LONP1: variants seen among roughly 807,000 people sequenced by gnomAD.
LONP1 encodes the protein lon protease homolog, mitochondrial.
A neutral mutation model predicts 98.5 loss-of-function variants in LONP1; 31 were observed. The observed-to-expected ratio is 0.31, with a 90% CI of 0.24 to 0.42. The LOEUF (loss-of-function observed/expected upper bound fraction) is 0.42, where lower values mean the gene tolerates loss of function less well. Ranked by LOEUF, LONP1 falls within the 20% of genes least tolerant of loss-of-function variation. The probability of loss-of-function intolerance (pLI) is 1.00; values close to 1 mark genes in which losing one functional copy is unlikely to be tolerated. For missense variants in LONP1, 1,336 were observed against 1,350.6 expected (o/e 0.99, Z 0.17); for synonymous variants, 781 against 594.7 (o/e 1.31, Z -4.56).
intron 14 of LONP1, 53 bp downstream of exon 14, chr19:5,694,708 C>T (rs1372834708): frequency 1.2e-5 from 19 of 1,575,926 alleles, no homozygotes; most frequent in East Asian, 6.8e-5. Context: ...GGGTGATCAG[C>T]GTGGGATGGT....
chr19:5,694,611 TGGG>T (rs2054891350), intron 14 of LONP1, 59 bp from the exon 15 acceptor site: 12 of 1,489,878 alleles, frequency 8.1e-6, no homozygotes, highest in Non-Finnish European at 8.2e-6. Flanking sequence ...TGCGGGGTGG[TGGG>T]GTGACGGGCA....
chr19:5,702,435 T>C (rs1450994053), intron 8 of LONP1, among the ~76,000 whole-genome samples: 1 of 146,984 alleles, frequency 6.8e-6, no homozygotes, highest in Non-Finnish European at 1.5e-5. Context: ...TACTGGGAAG[T>C]GAGGAGCCCC....
intron 5 of LONP1, chr19:5,708,032 C>T (rs1236240307): frequency 3.2e-5 from 20 of 633,722 alleles, no homozygotes; most frequent in Middle Eastern, 4.3e-4. Context: ...GCAGCATCCT[C>T]ACGTGCAGCC....
At position 5,707,788 on chromosome 19, in the gene LONP1, A is replaced by C. The variant is rs1599469908; in HGVS notation, c.971T>G (p.Val324Gly). Reference protein sequence around the residue: ...VLQMMQAGQRVVDNPIYLSDM... With the variant: ...VLQMMQAGQRGVDNPIYLSDM... Reference sequence around the variant, plus strand: ...GCTCAGGTAGATGGGGTTGTCCACCACCCGCTGGCCAGCCTGCATCATCTG... The same window carrying C: ...GCTCAGGTAGATGGGGTTGTCCACCCCCCGCTGGCCAGCCTGCATCATCTG... The change falls in exon 6 of 18, where the codon GTG becomes GGG. Residue 324 changes from valine (V) to glycine (G), a missense_variant. Physicochemically the swap from Val to Gly is moderately radical, Grantham distance 109 (BLOSUM62 -3). Around this residue, in one of 5 missense-constraint regions of LONP1, gnomAD observed 97 missense variants for 139.0 expected, o/e 0.70. Coordinates refer to ENST00000360614, the MANE Select transcript of LONP1 (RefSeq NM_004793.4). The C allele has an allele frequency of 6.2e-7, 1 of 1,612,880 alleles. No homozygotes were observed.
intron 1 of LONP1, among the ~76,000 whole-genome samples, chr19:5,716,570 GTTCCC>G (rs1568329394): frequency 3.5e-5 from 5 of 141,828 alleles, no homozygotes; most frequent in African/African-American, 1.3e-4. Context: ...TTTTTTTTCT[GTTCCC>G]AGAAAAAAAA....
At position 5,712,034 on chromosome 19, in the gene LONP1, C is replaced by G. The variant is rs747552819; in HGVS notation, c.639-32G>C. On this transcript the variant is annotated intron_variant, in intron 3 of 17. Coordinates refer to ENST00000360614, the MANE Select transcript of LONP1 (RefSeq NM_004793.4). ...CGGGAGCAAGGCAGGTGTGAATCAG[C>G]CGCTGAGGCTGGGAGCTGGACCCGG... The G allele has an allele frequency of 2.8e-5, 44 of 1,576,774 alleles. No homozygotes were observed. The Admixed American group carries it at 4.8e-4, about 17-fold the overall frequency.
chr19:5,706,082 C>T (rs1446139220), intron 7 of LONP1, 90 bp from the exon 8 acceptor site: 1 of 818,580 alleles, frequency 1.2e-6, no homozygotes, highest in Non-Finnish European at 2.0e-6. Flanking sequence ...CTCTGCTCCC[C>T]CAGGACTCAG....
At chr19:5,693,234 CTGGGCCTGTCCCGTGGTGGTG>C in intron 17 of LONP1, 43 bp downstream of exon 17, 1 of 1,546,810 alleles carries the variant, frequency 6.5e-7, no homozygotes, top group South Asian at 1.2e-5. Flanking sequence ...ATGGCGGGGA[CTGGGCCTGTCCCGTGGTGGTG>C]TGGGCCCTGC....
intron 17 of LONP1, 124 bp downstream of exon 17, chr19:5,693,174 C>T: frequency 8.1e-7 from 1 of 1,236,820 alleles, no homozygotes; most frequent in Non-Finnish European, 1.1e-6. Flanking sequence ...CCAGAGAGAC[C>T]TGCTTCCAAA....
In LONP1 at chr19:5,691,847, T is replaced by TTTAATCA; in HGVS notation, c.*178_*184dup. 1.2e-6 allele frequency: 1 copy of TTTAATCA among 815,476 alleles called. No individual in the cohort carries two copies. Among genetic ancestry groups the TTTAATCA allele is most frequent in the Non-Finnish European group, 1.9e-6 (1 of 525,960 alleles). The allele number at this position is 815,476 out of a possible 1,614,324, so 50.5% of individuals were successfully genotyped here. ...AGGAAGCCGCCGTACTGCAAATGAC[T>TTTAATCA]TTAATCATTAAATAGCTTCTATGCC... On this transcript the variant is annotated 3_prime_UTR_variant, in exon 18 of 18. Transcript: ENST00000360614.
rs866112342 is a variant in LONP1 at position 5,699,080 on chromosome 19, G to A, written c.1632C>T (p.Tyr544=). The change falls in exon 10 of 18, where the codon TAC becomes TAT. Residue 544 remains tyrosine (Y), a synonymous_variant. Coordinates refer to ENST00000360614, the MANE Select transcript of LONP1 (RefSeq NM_004793.4). ...TCATGCCCCCGACGCTGAAGCGGAA[G>A]TACTCTCGGTTCAGGGCGCGGGCGA... is the stretch of plus-strand genomic sequence containing the variant. ...RSIARALNRE[Y]FRFSVGGMTD... 3.1e-6 allele frequency: 5 copies of A among 1,608,528 alleles called. No homozygotes were observed. In the African/African-American group the frequency reaches 4.0e-5, roughly 13 times the overall value.
At chr19:5,718,249 G>A (rs1255198619) in intron 1 of LONP1, among the ~76,000 whole-genome samples, 5 of 151,994 alleles carry the variant, frequency 3.3e-5, no homozygotes, top group Admixed American at 2.6e-4. Context: ...AGGCTGAGGC[G>A]GGTGAATCAC....
At chr19:5,703,779 G>A (rs893250672) in intron 8 of LONP1, among the ~76,000 whole-genome samples, 4 of 152,036 alleles carry the variant, frequency 2.6e-5, no homozygotes, top group Non-Finnish European at 5.9e-5. Context: ...CAGGCATCTT[G>A]GTGACACGCA....
chr19:5,701,057 T>A, intron 8 of LONP1, 130 bp from the exon 9 acceptor site: 1 of 993,166 alleles, frequency 1.0e-6, no homozygotes, highest in Non-Finnish European at 1.6e-6. Context: ...CTCACGCCTG[T>A]AATCCCAGCT....
intron 1 of LONP1, among the ~76,000 whole-genome samples, chr19:5,718,624 G>C (rs1243472724): frequency 6.6e-6 from 1 of 152,052 alleles, no homozygotes; most frequent in African/African-American, 2.4e-5. Flanking sequence ...TGAGCGCAGA[G>C]GCTGACTCAC....
At chr19:5,710,277 C>CG (rs1311684506) in intron 4 of LONP1, among the ~76,000 whole-genome samples, 5 of 151,794 alleles carry the variant, frequency 3.3e-5, no homozygotes, top group Non-Finnish European at 5.9e-5. Context: ...TTAGTAGACA[C>CG]GGGGTTTCTC....
chr19:5,693,880 G>A (rs2054877153), intron 15 of LONP1, 111 bp from the exon 16 acceptor site: 4 of 893,350 alleles, frequency 4.5e-6, no homozygotes, highest in African/African-American at 3.3e-5. Flanking sequence ...GCATCTTGGT[G>A]CCCCTGGGCA....
chr19:5,695,635 A>G (rs2145582027), intron 13 of LONP1, among the ~76,000 whole-genome samples: 1 of 152,148 alleles, frequency 6.6e-6, no homozygotes, highest in South Asian at 2.1e-4. Flanking sequence ...AAAAAAAAAC[A>G]CATGAGAAAT....
rs762002235 is a variant in LONP1 at position 5,693,278 on chromosome 19, G to A, written c.2703+20C>T. Reference sequence around the variant, plus strand: ...GTGTGGGCCCTGCCAGTGCTGTGGGGTGGGTACAGGGACACTCACCGCAAT... The same window carrying A: ...GTGTGGGCCCTGCCAGTGCTGTGGGATGGGTACAGGGACACTCACCGCAAT... On this transcript the variant is annotated intron_variant, in intron 17 of 17. Coordinates refer to ENST00000360614, the MANE Select transcript of LONP1 (RefSeq NM_004793.4). 3.8e-6 allele frequency: 6 copies of A among 1,592,268 alleles called. No homozygotes were observed. The highest frequency in any genetic ancestry group is 5.2e-6 in the Non-Finnish European group (6 of 1,163,996).
Sources: gnomAD v4.1 joint callset for allele counts (sites outside exome capture counted in the v4.1 genomes callset) on GRCh38, gnomAD v4.1.1 for gene constraint, gnomAD v4.1.1 regional missense constraint, MANE v1.5 for transcripts, NCBI Gene and HGNC (gene_info 2026-07-23, HGNC 2026-07-21) for gene names.